PLCB4: variants seen among roughly 807,000 people sequenced by gnomAD.
PLCB4 encodes the protein 1-phosphatidylinositol 4,5-bisphosphate phosphodiesterase beta-4.
PLCB4 carries 77 observed loss-of-function variants against 178.8 expected under a neutral mutation model. That is an observed-to-expected ratio of 0.43 (90% CI 0.36 to 0.52). PLCB4 has a LOEUF of 0.52. Ranked by LOEUF, PLCB4 falls within the 20% of genes least tolerant of loss-of-function variation. The pLI is 0.00. For synonymous variants in PLCB4, 496 were observed against 490.8 expected (o/e 1.01, Z -0.14); for missense variants, 1,024 against 1,453.4 (o/e 0.70, Z 4.80).
intron 3 of PLCB4, among the ~76,000 whole-genome samples, chr20:9,233,552 A>G (rs1280078667): frequency 6.6e-6 from 1 of 152,182 alleles, no homozygotes; most frequent in African/African-American, 2.4e-5. Context: ...ATTTGGATTT[A>G]TGGTCAAAGA....
chr20:9,235,975 GT>G (rs2093988628), intron 3 of PLCB4, among the ~76,000 whole-genome samples: 1 of 152,154 alleles, frequency 6.6e-6, no homozygotes, highest in South Asian at 2.1e-4. Flanking sequence ...TATAAGAGTT[GT>G]GCAAATCATA....
At chr20:9,165,565 AG>A (rs1020748711) in intron 2 of PLCB4, among the ~76,000 whole-genome samples, 8 of 152,310 alleles carry the variant, frequency 5.3e-5, no homozygotes, top group African/African-American at 1.9e-4. Flanking sequence ...TAAATGTGGG[AG>A]GCACAGCATA....
At chr20:9,089,674 A>G (rs1231264995) in intron 1 of PLCB4, among the ~76,000 whole-genome samples, 1 of 152,174 alleles carries the variant, frequency 6.6e-6, no homozygotes, top group Non-Finnish European at 1.5e-5. Flanking sequence ...AAATCTGCTT[A>G]ATATAACTCC....
At chr20:9,141,103 T>G (rs535990205) in intron 2 of PLCB4, among the ~76,000 whole-genome samples, 167 of 152,260 alleles carry the variant, frequency 1.1e-3, no homozygotes, top group South Asian at 2.1e-3. Flanking sequence ...AGATGGTCCA[T>G]AAGTGCCTGA....
chr20:9,402,194 A>G (rs2039079298), intron 20 of PLCB4, among the ~76,000 whole-genome samples: 1 of 152,268 alleles, frequency 6.6e-6, no homozygotes, highest in African/African-American at 2.4e-5. Flanking sequence ...AAGTAGTCAA[A>G]TAACTATATA....
At chr20:9,305,861 C>T (rs1051253300) in intron 3 of PLCB4, among the ~76,000 whole-genome samples, 9 of 152,134 alleles carry the variant, frequency 5.9e-5, no homozygotes, top group African/African-American at 2.2e-4. Context: ...TCAGTCTCAT[C>T]GTCATTTACC....
chr20:9,348,161 C>T (rs1221354765), intron 7 of PLCB4, among the ~76,000 whole-genome samples: 1 of 152,046 alleles, frequency 6.6e-6, no homozygotes, highest in Non-Finnish European at 1.5e-5. Context: ...GGATAGGAGG[C>T]TTTGTGGTTG....
In PLCB4 at chr20:9,276,151, C is replaced by A. The variant is rs556143467; in HGVS notation, c.-15-31649C>A. Among the ~76,000 whole-genome samples, 25 of 152,128 alleles carry A rather than the reference C, an allele frequency of 1.6e-4. No homozygotes were observed. In the South Asian group the frequency reaches 4.6e-3, roughly 28 times the overall value. On this transcript the variant is annotated intron_variant, in intron 3 of 39. Transcript: ENST00000378473. ...AAAATATTTATCTTTGCTCATATAA[C>A]AATACTGGGCAGGTGAAGGGGTTGA... is the stretch of plus-strand genomic sequence containing the variant.
intron 14 of PLCB4, among the ~76,000 whole-genome samples, chr20:9,386,892 CTT>C (rs780599842): frequency 2.4e-4 from 31 of 129,442 alleles, no homozygotes; most frequent in African/African-American, 4.6e-4. Flanking sequence ...CCAAATTGTC[CTT>C]TTTTTTTTTT....
chr20:9,466,708 T>C (rs920612167), intron 35 of PLCB4, among the ~76,000 whole-genome samples: 7 of 152,126 alleles, frequency 4.6e-5, no homozygotes, highest in African/African-American at 1.7e-4. Context: ...ATCAGAGAAA[T>C]GCAAATCAAA....
At chr20:9,156,427 G>T (rs2092789173) in intron 2 of PLCB4, among the ~76,000 whole-genome samples, 1 of 152,156 alleles carries the variant, frequency 6.6e-6, no homozygotes, top group African/African-American at 2.4e-5. Context: ...GAAAGGTTAA[G>T]TAACATGCCA....
chr20:9,291,699 G>A (rs753647950), intron 3 of PLCB4, among the ~76,000 whole-genome samples: 13 of 152,054 alleles, frequency 8.5e-5, no homozygotes, highest in Non-Finnish European at 1.5e-4. Flanking sequence ...AATTTTGGGC[G>A]CATAAGGAGA....
intron 25 of PLCB4, among the ~76,000 whole-genome samples, chr20:9,419,465 AT>A (rs1453556210): frequency 6.6e-6 from 1 of 152,170 alleles, no homozygotes; most frequent in African/African-American, 2.4e-5. Context: ...AATATCACAT[AT>A]TTTTATATTT....
intron 2 of PLCB4, among the ~76,000 whole-genome samples, chr20:9,206,679 A>C (rs927512597): frequency 1.1e-4 from 17 of 152,190 alleles, no homozygotes; most frequent in African/African-American, 4.1e-4. Flanking sequence ...CTGGGTTGGC[A>C]CACATCCAAG....
At chr20:9,238,616 C>A (rs1483034591) in intron 3 of PLCB4, among the ~76,000 whole-genome samples, 4 of 152,132 alleles carry the variant, frequency 2.6e-5, no homozygotes, top group African/African-American at 9.7e-5. Flanking sequence ...TGTGATTTTC[C>A]AGAGCATAAA....
At chr20:9,123,838 G>A (rs1320522931) in intron 2 of PLCB4, among the ~76,000 whole-genome samples, 2 of 151,806 alleles carry the variant, frequency 1.3e-5, no homozygotes, top group Non-Finnish European at 2.9e-5. Context: ...GTTGTATGTA[G>A]CTGTCACAAG....
At chr20:9,106,440 C>T (rs1288333218) in intron 2 of PLCB4, among the ~76,000 whole-genome samples, 2 of 151,530 alleles carry the variant, frequency 1.3e-5, no homozygotes, top group Non-Finnish European at 2.9e-5. Flanking sequence ...TTTTCCCAGT[C>T]TGTTTTTGAC....
At chr20:9,273,320 C>G (rs6118556) in intron 3 of PLCB4, among the ~76,000 whole-genome samples, 152,026 of 152,258 alleles carry the variant, frequency 1, 75,898 homozygotes, top group Middle Eastern at 1. Flanking sequence ...CTCAAAACAA[C>G]GCTCTTGAAG....
intron 17 of PLCB4, 69 bp downstream of exon 17, chr20:9,390,684 G>A: frequency 1.3e-6 from 1 of 768,082 alleles, no homozygotes; most frequent in Non-Finnish European, 2.4e-6. Context: ...GAAGGGTCAA[G>A]TAGTACTAGA....
Sources: allele counts gnomAD v4.1 joint callset (sites outside exome capture counted in the v4.1 genomes callset), GRCh38; gene constraint gnomAD v4.1.1; transcripts MANE v1.5; gene names NCBI Gene and HGNC (gene_info 2026-07-23, HGNC 2026-07-21).